The following BORCS5 variants were observed in gnomAD, a reference collection of about 807,000 sequenced individuals.
BORCS5 encodes the protein BLOC-1 related complex subunit 5.
A neutral mutation model predicts 22.1 loss-of-function variants in BORCS5; 17 were observed. The observed-to-expected ratio is 0.77, with a 90% confidence interval of 0.53 to 1.15. BORCS5 has a LOEUF of 1.15. BORCS5 is among the 50% of genes most tolerant of loss of function. The pLI, the probability that BORCS5 is intolerant of heterozygous loss-of-function variation, is 0.00. For missense variants in BORCS5, 247 were observed against 253.2 expected (o/e 0.98, Z 0.17); for synonymous variants, 117 against 99.8 (o/e 1.17, Z -1.03).
intron 3 of BORCS5, among the ~76,000 whole-genome samples, chr12:12,456,830 A>G (rs1943005788): frequency 6.6e-6 from 1 of 151,944 alleles, no homozygotes; most frequent in Non-Finnish European, 1.5e-5. Context: ...TTTCAGTAGC[A>G]GAAGTACAGA....
chr12:12,445,451 C>T (rs1942764764), intron 3 of BORCS5, among the ~76,000 whole-genome samples: 1 of 60,136 alleles, frequency 1.7e-5, no homozygotes, highest in Non-Finnish European at 3.4e-5. Context: ...TAGCCTGCTT[C>T]TGTTTTTCTG....
At chr12:12,387,494 C>T (rs1288389172) in intron 2 of BORCS5, among the ~76,000 whole-genome samples, 2 of 151,436 alleles carry the variant, frequency 1.3e-5, no homozygotes, top group Non-Finnish European at 3.0e-5. Flanking sequence ...ATGAAAGTAA[C>T]ACGTGCTCAT....
At chr12:12,374,547 G>A (rs1373697783) in intron 2 of BORCS5, among the ~76,000 whole-genome samples, 2 of 152,012 alleles carry the variant, frequency 1.3e-5, no homozygotes, top group African/African-American at 4.8e-5. Flanking sequence ...GGCTGAAGTG[G>A]GAGGATCACT....
chr12:12,359,113 T>G (rs1478323727), intron 1 of BORCS5, among the ~76,000 whole-genome samples: 1 of 152,208 alleles, frequency 6.6e-6, no homozygotes, highest in African/African-American at 2.4e-5. Flanking sequence ...GGGAGTCCTT[T>G]ATAATTTGAA....
chr12:12,455,585 C>T (rs1385828824), intron 3 of BORCS5, among the ~76,000 whole-genome samples: 2 of 152,036 alleles, frequency 1.3e-5, no homozygotes, highest in African/African-American at 2.4e-5. Context: ...TTCGAGACCA[C>T]CTGGCCTACA....
intron 3 of BORCS5, among the ~76,000 whole-genome samples, chr12:12,458,578 C>CTT (rs57810545): frequency 0.17 from 23,198 of 139,560 alleles, 2,899 homozygotes; most frequent in African/African-American, 0.36. Context: ...CTTTTCTTTC[C>CTT]TTTTTTTTTT....
At chr12:12,414,230 G>C (rs1216729133) in intron 2 of BORCS5, among the ~76,000 whole-genome samples, 1 of 79,506 alleles carries the variant, frequency 1.3e-5, no homozygotes, top group Non-Finnish European at 2.6e-5. Flanking sequence ...CCTCCCTCCC[G>C]GACGGGGCGG....
chr12:12,390,664 T>A (rs2136057366), intron 2 of BORCS5, among the ~76,000 whole-genome samples: 1 of 151,642 alleles, frequency 6.6e-6, no homozygotes, highest in African/African-American at 2.4e-5. Context: ...GATGCACCTG[T>A]AGCCTCAGCT....
At chr12:12,374,517 G>A (rs900835583) in intron 2 of BORCS5, among the ~76,000 whole-genome samples, 2 of 151,622 alleles carry the variant, frequency 1.3e-5, no homozygotes, top group Admixed American at 1.3e-4. Context: ...GTGTGCACCT[G>A]TACTCCCAGC....
At chr12:12,462,796 A>T (rs1393834834) in intron 3 of BORCS5, among the ~76,000 whole-genome samples, 5 of 152,144 alleles carry the variant, frequency 3.3e-5, no homozygotes, top group Non-Finnish European at 5.9e-5. Context: ...AGTTGGGACT[A>T]TAGGCGCACA....
At chr12:12,464,188 T>G (rs991018775) in intron 3 of BORCS5, among the ~76,000 whole-genome samples, 1 of 146,640 alleles carries the variant, frequency 6.8e-6, no homozygotes, top group Non-Finnish European at 1.5e-5. Flanking sequence ...TATTTGGAGT[T>G]TCTCACTCCC....
intron 2 of BORCS5, among the ~76,000 whole-genome samples, chr12:12,367,549 C>G (rs931936684): frequency 6.6e-6 from 1 of 152,178 alleles, no homozygotes; most frequent in Non-Finnish European, 1.5e-5. Context: ...CATGGCTATT[C>G]AGAGAAGTGT....
At chr12:12,387,609 A>G (rs1417842621) in intron 2 of BORCS5, among the ~76,000 whole-genome samples, 2 of 151,374 alleles carry the variant, frequency 1.3e-5, no homozygotes, top group East Asian at 3.9e-4. Flanking sequence ...CCAGGTGTGG[A>G]TTGGATCCAG....
At chr12:12,407,155 A>G (rs1402211330) in intron 2 of BORCS5, among the ~76,000 whole-genome samples, 3 of 152,220 alleles carry the variant, frequency 2.0e-5, no homozygotes, top group South Asian at 2.1e-4. Flanking sequence ...CTCACTTTGA[A>G]TATATTCCTT....
At chr12:12,373,263 C>T (rs1863570594) in intron 2 of BORCS5, among the ~76,000 whole-genome samples, 1 of 152,210 alleles carries the variant, frequency 6.6e-6, no homozygotes, top group African/African-American at 2.4e-5. Flanking sequence ...AAATCTTGTA[C>T]TTCCCAGCCT....
chr12:12,361,116 T>G, intron 1 of BORCS5, 90 bp from the exon 2 acceptor site: 1 of 1,288,862 alleles, frequency 7.8e-7, no homozygotes, highest in South Asian at 1.3e-5. Context: ...TTTTATAAAA[T>G]TATTCTTTTT....
intron 2 of BORCS5, among the ~76,000 whole-genome samples, chr12:12,412,994 G>A (rs1385975321): frequency 1.4e-5 from 2 of 141,160 alleles, no homozygotes; most frequent in East Asian, 4.1e-4. Context: ...GTGGAGGGAA[G>A]GTCAGCAGAT....
rs959248113 is a variant in BORCS5, at chr12:12,357,116, C to T, written c.-336C>T. The T allele has an allele frequency of 6.5e-7, 1 of 1,534,680 alleles. No individual in the cohort carries two copies. Among genetic ancestry groups the T allele is most frequent in the Non-Finnish European group, 8.7e-7 (1 of 1,146,244 alleles). On this transcript the variant is annotated 5_prime_UTR_variant, in exon 1 of 4. Coordinates refer to ENST00000314565, the MANE Select transcript of BORCS5 (RefSeq NM_058169.6). Reference sequence around the variant, plus strand: ...AAGGAGCGAGCTTGCGGAGCGTGAACCAGTGAGTGAAAGCGGCGCCGCCCG... The same window carrying T: ...AAGGAGCGAGCTTGCGGAGCGTGAATCAGTGAGTGAAAGCGGCGCCGCCCG...
chr12:12,403,478 G>A (rs147277545), intron 2 of BORCS5, among the ~76,000 whole-genome samples: 1 of 152,106 alleles, frequency 6.6e-6, no homozygotes, highest in Admixed American at 6.6e-5. Context: ...AGTCCGCTGT[G>A]GGGGGCACCT....
Sources: gnomAD v4.1 joint callset for allele counts (sites outside exome capture counted in the v4.1 genomes callset) on GRCh38, gnomAD v4.1.1 for gene constraint, MANE v1.5 for transcripts, NCBI Gene and HGNC (gene_info 2026-07-23, HGNC 2026-07-21) for gene names.